Variants in STAC observed in about 807,000 individuals in gnomAD.
STAC encodes the protein SH3 and cysteine rich domain, also known as SH3 and cysteine-rich domain-containing protein.
In STAC, 43 loss-of-function variants were observed where a neutral mutation model predicts 48.8. That is an observed-to-expected ratio of 0.88 (90% CI 0.69 to 1.14). The LOEUF is 1.14. STAC is among the 50% of genes most tolerant of loss of function. STAC has a pLI of 0.00. For missense variants in STAC, 497 were observed against 504.0 expected, an observed-to-expected ratio of 0.99 and a Z score of 0.13; for synonymous variants, 193 against 179.5, an observed-to-expected ratio of 1.07 and a Z score of -0.60.
intron 4 of STAC, 146 bp from the exon 5 acceptor site, chr3:36,485,988 G>C: frequency 1.6e-6 from 1 of 627,612 alleles, no homozygotes; most frequent in South Asian, 2.0e-5. Flanking sequence ...AGGAACACTT[G>C]GCCATGAAAG....
intron 2 of STAC, among the ~76,000 whole-genome samples, chr3:36,467,973 A>C (rs1438704311): frequency 6.6e-6 from 1 of 152,050 alleles, no homozygotes; most frequent in African/African-American, 2.4e-5. Context: ...TTTTTGATGT[A>C]GGTATTTAAA....
chr3:36,502,999 C>A (rs994893579), intron 6 of STAC, among the ~76,000 whole-genome samples: 55 of 152,114 alleles, frequency 3.6e-4, no homozygotes, highest in African/African-American at 1.3e-3. Flanking sequence ...TGTTCTGAAG[C>A]ACGTTTTCTA....
At chr3:36,425,799 G>A (rs79789677) in intron 1 of STAC, among the ~76,000 whole-genome samples, 2 of 152,172 alleles carry the variant, frequency 1.3e-5, no homozygotes, top group Non-Finnish European at 2.9e-5. Context: ...GCCAACGCAG[G>A]GGGGATGGCT....
intron 2 of STAC, among the ~76,000 whole-genome samples, chr3:36,446,381 T>C (rs1696509534): frequency 6.6e-6 from 1 of 152,238 alleles, no homozygotes; most frequent in Non-Finnish European, 1.5e-5. Context: ...GACTCCATAC[T>C]GAGTCTTAGT....
intron 8 of STAC, among the ~76,000 whole-genome samples, chr3:36,527,625 T>G (rs1489762197): frequency 6.6e-6 from 1 of 152,166 alleles, no homozygotes; most frequent in Non-Finnish European, 1.5e-5. Flanking sequence ...AGGTCCAGTA[T>G]GTGTTGACAA....
At chr3:36,447,348 C>T (rs1696536273) in intron 2 of STAC, among the ~76,000 whole-genome samples, 1 of 152,124 alleles carries the variant, frequency 6.6e-6, no homozygotes. Flanking sequence ...GACAAGGGTA[C>T]ACTATATCTG....
At chr3:36,458,532 A>G (rs74867163) in intron 2 of STAC, among the ~76,000 whole-genome samples, 2,132 of 152,330 alleles carry the variant, frequency 0.014, 22 homozygotes, top group Non-Finnish European at 0.021. Flanking sequence ...CAAGAAGACC[A>G]TAAGACCATG....
chr3:36,497,697 C>CA (rs1698183297), intron 6 of STAC, among the ~76,000 whole-genome samples: 1 of 138,972 alleles, frequency 7.2e-6, no homozygotes, highest in Non-Finnish European at 1.6e-5. Flanking sequence ...AGAATGGAAA[C>CA]AAAAAAGTGG....
In STAC at chr3:36,528,717, T is replaced by C. The variant is rs1698994400; in HGVS notation, c.942T>C (p.Leu314=). The change falls in exon 9 of 11, where the codon CTT becomes CTC. Residue 314 remains leucine, a synonymous_variant. Coordinates refer to ENST00000273183, the MANE Select transcript of STAC (RefSeq NM_003149.3). ...LEMRPGDIIT[L]LEDSNEDWWK... is the part of the protein sequence containing the mutation. ...TTAGGCCAGGAGACATAATTACTCT[T>C]TTAGAGGATTCCAATGAAGACTGGT... The C allele has an allele frequency of 3.1e-6, 5 of 1,606,204 alleles. No individual in the cohort carries two copies. In the East Asian group the frequency reaches 6.7e-5, roughly 22 times the overall value.
intron 8 of STAC, chr3:36,506,129 C>T (rs1187795284): frequency 3.2e-5 from 7 of 215,740 alleles, no homozygotes; most frequent in Non-Finnish European, 6.4e-5. Flanking sequence ...AGTACATGCT[C>T]AACAGAACTG....
At chr3:36,433,394 C>T (rs1483779974) in intron 1 of STAC, among the ~76,000 whole-genome samples, 2 of 152,074 alleles carry the variant, frequency 1.3e-5, no homozygotes, top group Non-Finnish European at 2.9e-5. Context: ...CCTGGTATAA[C>T]CTAGAACTGA....
intron 1 of STAC, among the ~76,000 whole-genome samples, chr3:36,388,218 T>C (rs150263114): frequency 9.1e-4 from 139 of 152,296 alleles, no homozygotes; most frequent in Non-Finnish European, 1.8e-3. Context: ...TGCAGAAGTA[T>C]TGAATTTTAT....
rs569571510 is a variant in STAC, at chr3:36,415,269, G to A, written c.112-28095G>A. ...TCAGCTATGCCCTGCCCCCAGAGGT[G>A]GAGTCTACAGAGGCAGGCAGGCCTC... On this transcript the variant is annotated intron_variant, in intron 1 of 10. Transcript: ENST00000273183. Among the ~76,000 whole-genome samples, 51 of 152,164 alleles carry A rather than the reference G, an allele frequency of 3.4e-4. 1 individual carries two copies. The highest frequency in any genetic ancestry group is 4.0e-4 in the Non-Finnish European group (27 of 68,034).
chr3:36,482,267 A>C (rs1469296381), intron 2 of STAC, among the ~76,000 whole-genome samples: 1 of 152,106 alleles, frequency 6.6e-6, no homozygotes, highest in South Asian at 2.1e-4. Flanking sequence ...TGAAGCCCCC[A>C]CACCCTGCCC....
rs932053445 is a variant in STAC at position 36,462,001 on chromosome 3, G to A, written c.388+18361G>A. On this transcript the variant is annotated intron_variant, in intron 2 of 10. Transcript: ENST00000273183. ...AAATAGACTTCAATGGCGTGGGGGCGAGGATTGACGCAAGCAGAACAGTTA... is the reference window on the plus strand; with the variant it reads ...AAATAGACTTCAATGGCGTGGGGGCAAGGATTGACGCAAGCAGAACAGTTA... Among the ~76,000 whole-genome samples, 7 of 152,204 alleles carry A rather than the reference G, an allele frequency of 4.6e-5. No homozygotes were observed. The South Asian group carries it at 1.0e-3, about 23-fold the overall frequency.
chr3:36,512,783 C>CTTTTTTTTTTTTTTT (rs901936471), intron 8 of STAC, among the ~76,000 whole-genome samples: 94 of 151,978 alleles, frequency 6.2e-4, no homozygotes, highest in African/African-American at 2.2e-3. Context: ...ATCACACATA[C>CTTTTTTTTTTTTTTT]TTTTTTTTAT....
rs112533706 is a variant in STAC, at chr3:36,486,049, C to G, written c.572-85C>G. 20 of 992,010 alleles carry G rather than the reference C, an allele frequency of 2.0e-5. No individual in the cohort carries two copies. The African/African-American group carries it at 2.6e-4, about 13-fold the overall frequency. 61.5% of individuals were successfully genotyped at this position (992,010 alleles called of 1,614,324 possible). ...CTCTGCACAGAGCCTGCTTCTCAGG[C>G]GCTGTTCACCCAGGAGATGTGGTAG... is the stretch of plus-strand genomic sequence containing the variant. On this transcript the variant is annotated intron_variant, in intron 4 of 10. Transcript: ENST00000273183.
intron 8 of STAC, among the ~76,000 whole-genome samples, chr3:36,517,460 C>A (rs368651112): frequency 6.6e-6 from 1 of 152,000 alleles, no homozygotes; most frequent in African/African-American, 2.4e-5. Context: ...AACCAGCCTG[C>A]GCAACATGGA....
intron 8 of STAC, among the ~76,000 whole-genome samples, chr3:36,509,424 A>G (rs1441175906): frequency 6.6e-6 from 1 of 151,984 alleles, no homozygotes; most frequent in Admixed American, 6.6e-5. Flanking sequence ...TGGTCTCCAT[A>G]TTTCCTGAAT....
Sources: gnomAD v4.1 joint callset for allele counts (sites outside exome capture counted in the v4.1 genomes callset) on GRCh38, gnomAD v4.1.1 for gene constraint, MANE v1.5 for transcripts, NCBI Gene and HGNC (gene_info 2026-07-23, HGNC 2026-07-21) for gene names.